The following SPON1 variants were observed in gnomAD, a reference collection of about 807,000 sequenced individuals.
The protein encoded by SPON1 is spondin 1.
SPON1 carries 52 observed loss-of-function variants against 111.7 expected under a neutral mutation model. The ratio of observed to expected loss-of-function variants is 0.47; its 90% CI spans 0.37 to 0.59. The LOEUF is 0.59. SPON1 is among the 20% of genes least tolerant of loss of function. SPON1 has a pLI of 0.00. For synonymous variants in SPON1, 410 were observed against 395.8 expected (o/e 1.04, Z -0.43); for missense variants, 957 against 1,068.5 (o/e 0.90, Z 1.46).
chr11:14,030,123 A>G (rs1351723247), intron 2 of SPON1, among the ~76,000 whole-genome samples: 2 of 152,334 alleles, frequency 1.3e-5, no homozygotes, highest in East Asian at 3.9e-4. Context: ...TGAACTACTC[A>G]GGTTAATAGA....
chr11:14,057,365 G>C (rs1236609627), intron 3 of SPON1, among the ~76,000 whole-genome samples: 1 of 152,184 alleles, frequency 6.6e-6, no homozygotes, highest in Non-Finnish European at 1.5e-5. Flanking sequence ...TAATCTTCAA[G>C]TTTCAAAGTC....
chr11:13,999,491 C>T (rs1554912212), intron 2 of SPON1, among the ~76,000 whole-genome samples: 1 of 151,662 alleles, frequency 6.6e-6, no homozygotes, highest in Non-Finnish European at 1.5e-5. Flanking sequence ...CTGCAACTTC[C>T]ACCTCCCGTG....
At chr11:14,150,849 A>G (rs1284603935) in intron 6 of SPON1, among the ~76,000 whole-genome samples, 2 of 152,194 alleles carry the variant, frequency 1.3e-5, no homozygotes, top group Non-Finnish European at 2.9e-5. Context: ...AATTGCAGGT[A>G]TCAGGAGCAA....
At chr11:14,223,815 G>A (rs1027181910) in intron 6 of SPON1, among the ~76,000 whole-genome samples, 5 of 152,184 alleles carry the variant, frequency 3.3e-5, no homozygotes, top group Admixed American at 3.3e-4. Context: ...GGTCTTATCT[G>A]GGTCACAAAA....
At chr11:14,145,488 C>T (rs560582458) in intron 6 of SPON1, among the ~76,000 whole-genome samples, 4 of 152,178 alleles carry the variant, frequency 2.6e-5, no homozygotes, top group African/African-American at 9.6e-5. Flanking sequence ...TAATATATTA[C>T]CTTAAGATTT....
At chr11:14,172,533 T>C (rs1554932614) in intron 6 of SPON1, among the ~76,000 whole-genome samples, 1 of 151,930 alleles carries the variant, frequency 6.6e-6, no homozygotes, top group African/African-American at 2.4e-5. Flanking sequence ...GATCCTGTCA[T>C]TATGATGTTA....
At chr11:14,169,915 G>A (rs1246621802) in intron 6 of SPON1, among the ~76,000 whole-genome samples, 1 of 152,204 alleles carries the variant, frequency 6.6e-6, no homozygotes, top group Non-Finnish European at 1.5e-5. Context: ...AGTATAGCTT[G>A]AAGTCAGGTA....
chr11:13,982,782 C>T, intron 1 of SPON1, 65 bp from the exon 2 acceptor site: 7 of 1,118,472 alleles, frequency 6.3e-6, no homozygotes, highest in Non-Finnish European at 6.6e-6. Flanking sequence ...TCAGGTCTAT[C>T]CCATTTGACA....
intron 2 of SPON1, among the ~76,000 whole-genome samples, chr11:14,021,649 C>G (rs1287808137): frequency 2.6e-5 from 4 of 152,158 alleles, no homozygotes; most frequent in Non-Finnish European, 5.9e-5. Context: ...TCAGAAAACC[C>G]AAGGCCCTGG....
intron 1 of SPON1, among the ~76,000 whole-genome samples, chr11:13,978,528 T>A (rs1554909238): frequency 6.6e-6 from 1 of 152,220 alleles, no homozygotes; most frequent in Non-Finnish European, 1.5e-5. Context: ...TCACTGATAA[T>A]AATGAGTTCA....
intron 2 of SPON1, 31 bp from the exon 3 acceptor site, chr11:14,041,490 C>G: frequency 1.2e-6 from 2 of 1,611,092 alleles, no homozygotes; most frequent in African/African-American, 1.3e-5. Flanking sequence ...AATGATGTTG[C>G]ATGTATTTAT....
At chr11:14,067,542 A>G (rs1848842244) in intron 3 of SPON1, among the ~76,000 whole-genome samples, 1 of 152,168 alleles carries the variant, frequency 6.6e-6, no homozygotes, top group Non-Finnish European at 1.5e-5. Context: ...TTGTGTTTGT[A>G]AGGGAAAGTC....
At chr11:14,069,557 A>G (rs1336167556) in intron 3 of SPON1, among the ~76,000 whole-genome samples, 1 of 151,970 alleles carries the variant, frequency 6.6e-6, no homozygotes, top group Non-Finnish European at 1.5e-5. Context: ...TTCCACATTG[A>G]TTTCCAGTTT....
At chr11:14,055,880 T>C in intron 3 of SPON1, among the ~76,000 whole-genome samples, 1 of 152,228 alleles carries the variant, frequency 6.6e-6, no homozygotes, top group East Asian at 1.9e-4. Context: ...GGTTCCCTGC[T>C]CTCAGCTCCT....
At position 14,265,502 on chromosome 11, in the gene SPON1, C is replaced by A. The variant is rs140587320; in HGVS notation, c.2261-22C>A. 1.8e-4 allele frequency: 291 copies of A among 1,607,906 alleles called. 1 individual carries two copies. In the African/African-American group the frequency reaches 3.5e-3, roughly 19 times the overall value. ...TTCCGTCCCGTTTCTGCGGGCCTAA[C>A]AAGGCATTCTCATGCTTTCAGGTTG... On this transcript the variant is annotated intron_variant, in intron 15 of 15. Coordinates refer to ENST00000576479, the MANE Select transcript of SPON1 (RefSeq NM_006108.4).
At chr11:14,213,353 G>A (rs11023145) in intron 6 of SPON1, among the ~76,000 whole-genome samples, 3,196 of 151,476 alleles carry the variant, frequency 0.021, 119 homozygotes, top group African/African-American at 0.074. Context: ...AGAGAGAAAT[G>A]TTCAGCTTCC....
chr11:14,177,242 T>C (rs1591400793), intron 6 of SPON1, among the ~76,000 whole-genome samples: 1 of 151,994 alleles, frequency 6.6e-6, no homozygotes, highest in African/African-American at 2.4e-5. Flanking sequence ...GGGTTTCACC[T>C]TGTTAGCCAG....
intron 5 of SPON1, among the ~76,000 whole-genome samples, chr11:14,131,274 C>T (rs1279257813): frequency 6.6e-6 from 1 of 152,170 alleles, no homozygotes; most frequent in Non-Finnish European, 1.5e-5. Context: ...TCCTTCCTTG[C>T]TCTGTGAGCT....
At chr11:14,048,709 G>A (rs1440029814) in intron 3 of SPON1, among the ~76,000 whole-genome samples, 3 of 152,080 alleles carry the variant, frequency 2.0e-5, no homozygotes, top group African/African-American at 7.2e-5. Flanking sequence ...GACAAGTAGC[G>A]ATTGATTAAA....
Sources: gnomAD v4.1 joint callset for allele counts (sites outside exome capture counted in the v4.1 genomes callset) on GRCh38, gnomAD v4.1.1 for gene constraint, MANE v1.5 for transcripts, NCBI Gene and HGNC (gene_info 2026-07-23, HGNC 2026-07-21) for gene names.